The following AQP11 variants were observed in gnomAD, a reference collection of about 807,000 sequenced individuals.
The protein encoded by AQP11 is aquaporin-11.
Under a neutral mutation model 21.1 loss-of-function variants are expected in AQP11, and 20 were observed. The ratio of observed to expected loss-of-function variants is 0.95; its 90% CI spans 0.67 to 1.38. AQP11 has a LOEUF of 1.38. Ranked by LOEUF, AQP11 falls within the 40% of genes most tolerant of loss-of-function variation. The probability of loss-of-function intolerance (pLI) is 0.00; values close to 1 mark genes in which losing one functional copy is unlikely to be tolerated. For synonymous variants in AQP11, 167 were observed against 150.1 expected (o/e 1.11, Z -0.82); for missense variants, 339 against 340.4 (o/e 1.00, Z 0.03).
chr11:77,609,267 T>C, intron 2 of AQP11, 31 bp from the exon 3 acceptor site: 4 of 1,566,566 alleles, frequency 2.6e-6, no homozygotes, highest in Admixed American at 1.7e-5. Context: ...TTAAAGATTG[T>C]TTTTTTATTT....
intron 2 of AQP11, among the ~76,000 whole-genome samples, chr11:77,604,512 A>G (rs1958833070): frequency 6.6e-6 from 1 of 152,230 alleles, no homozygotes; most frequent in African/African-American, 2.4e-5. Flanking sequence ...TATAACTCAT[A>G]ACTGTAAGTG....
At chr11:77,598,327 C>T (rs1384559911) in intron 1 of AQP11, among the ~76,000 whole-genome samples, 1 of 152,206 alleles carries the variant, frequency 6.6e-6, no homozygotes, top group Admixed American at 6.5e-5. Context: ...AGATTTGAGA[C>T]TTAGCCTCTG....
rs767695226 is a variant in AQP11, at chr11:77,590,548, G to A, written c.556G>A (p.Glu186Lys). The A allele has an allele frequency of 2.5e-6, 4 of 1,614,188 alleles. 1 individual carries two copies. The South Asian group carries it at 4.4e-5, about 18-fold the overall frequency. Residue 186 changes from glutamate (E) to lysine (K), a missense_variant, in exon 1 of 3, where the codon GAA becomes AAA. Coordinates refer to ENST00000313578, the MANE Select transcript of AQP11 (RefSeq NM_173039.3). ...LFHSALLHFQ[E>K]VRTKLRIHLL... Reference sequence around the variant, plus strand: ...CCACAGCGCTCTGCTGCACTTCCAGGAAGTCCGAACCAAGCTTCGTATCCA... The same window carrying A: ...CCACAGCGCTCTGCTGCACTTCCAGAAAGTCCGAACCAAGCTTCGTATCCA...
chr11:77,591,094 G>T (rs1233970614), intron 1 of AQP11: 1 of 981,650 alleles, frequency 1.0e-6, no homozygotes, highest in Admixed American at 6.2e-5. Context: ...TCCTATAAAT[G>T]ATTTAAAGTC....
At chr11:77,599,581 G>GCC (rs776515697) in intron 1 of AQP11, among the ~76,000 whole-genome samples, 1 of 151,786 alleles carries the variant, frequency 6.6e-6, no homozygotes, top group Admixed American at 6.6e-5. Context: ...ACCATGCCCA[G>GCC]CCCCAAACTG....
At chr11:77,591,147 CTTA>C (rs1291580245) in intron 1 of AQP11, 4 of 961,316 alleles carry the variant, frequency 4.2e-6, no homozygotes, top group Non-Finnish European at 5.0e-6. Context: ...TATGAAATTT[CTTA>C]TTTCCTTAAT....
chr11:77,601,945 C>T (rs779853218), intron 1 of AQP11, among the ~76,000 whole-genome samples: 34 of 152,252 alleles, frequency 2.2e-4, no homozygotes, highest in Non-Finnish European at 4.6e-4. Flanking sequence ...CTAGAATTCA[C>T]ACAGCATCAC....
intron 2 of AQP11, among the ~76,000 whole-genome samples, chr11:77,605,068 C>G (rs1445349453): frequency 6.6e-6 from 1 of 152,106 alleles, no homozygotes; most frequent in Non-Finnish European, 1.5e-5. Flanking sequence ...TGGCGGGCAC[C>G]TGTAGTCCCA....
chr11:77,609,425 G>A lies in AQP11; in HGVS notation c.*48G>A. 6.9e-7 allele frequency: 1 copy of A among 1,457,326 alleles called. No individual in the cohort carries two copies. 90.3% of individuals were successfully genotyped at this position (1,457,326 alleles called of 1,614,324 possible). A position where few individuals can be genotyped will look rare whatever the true frequency, so the allele number is the denominator to read the frequency against. ...CATACAGGACAGTCCAGCTGGATGT[G>A]ATAAAGATTTTATCACCTCATATGG... On this transcript the variant is annotated 3_prime_UTR_variant, in exon 3 of 3. Coordinates refer to ENST00000313578, the MANE Select transcript of AQP11 (RefSeq NM_173039.3).
At chr11:77,601,815 TC>T (rs150173440) in intron 1 of AQP11, among the ~76,000 whole-genome samples, 1 of 152,316 alleles carries the variant, frequency 6.6e-6, no homozygotes, top group African/African-American at 2.4e-5. Context: ...CTAAGATGCC[TC>T]AGTTCTCTTC....
Position 77,609,595 on chromosome 11 carries a change from T to C in AQP11, c.*218T>C, listed in dbSNP as rs773239562. ...CAGTTAAGACTTGTTCTTTGAGTGA[T>C]GTATTAAATGCTGCTAGAAAAGCCT... On this transcript the variant is annotated 3_prime_UTR_variant, in exon 3 of 3. Coordinates refer to ENST00000313578, the MANE Select transcript of AQP11 (RefSeq NM_173039.3). The C allele has an allele frequency of 7.9e-6, 3 of 382,070 alleles. No homozygotes were observed. The highest frequency in any genetic ancestry group is 1.4e-5 in the Non-Finnish European group (3 of 214,256). The allele number at this position is 382,070 out of a possible 1,614,324, so 23.7% of individuals were successfully genotyped here.
At chr11:77,598,383 A>C (rs1958795624) in intron 1 of AQP11, among the ~76,000 whole-genome samples, 1 of 152,208 alleles carries the variant, frequency 6.6e-6, no homozygotes, top group African/African-American at 2.4e-5. Flanking sequence ...GACTCTTGGC[A>C]GTGGACTAGC....
At chr11:77,591,463 C>G (rs546757896) in intron 1 of AQP11, 2 of 434,256 alleles carry the variant, frequency 4.6e-6, no homozygotes, top group African/African-American at 4.3e-5. Flanking sequence ...GCAGAAATAA[C>G]AACAAAGGAA....
rs374412400 is a variant in AQP11, at chr11:77,590,355, A to G, written c.363A>G (p.Leu121=). The G allele has an allele frequency of 1.2e-5, 19 of 1,612,466 alleles. No individual in the cohort carries two copies. The highest frequency in any genetic ancestry group is 1.1e-4 in the African/African-American group (8 of 74,796). The change falls in exon 1 of 3, where the codon CTA becomes CTG. Residue 121 remains leucine (L), a synonymous_variant. Transcript: ENST00000313578. ...CCCCCGAGACGGGTGCGGTGAGGCT[A>G]TTGGCTCAGCTGGTTAGTGCCCTGT... ...GMSPETGAVR[L]LAQLVSALCS...
intron 1 of AQP11, 184 bp downstream of exon 1, chr11:77,590,795 C>T (rs1169786278): frequency 1.0e-6 from 1 of 985,334 alleles, no homozygotes; most frequent in Non-Finnish European, 1.2e-6. Context: ...AGCCTTCATG[C>T]AGTGCTGCTT....
intron 1 of AQP11, chr11:77,591,146 T>A (rs1483911544): frequency 3.5e-5 from 34 of 963,014 alleles, no homozygotes; most frequent in Non-Finnish European, 4.2e-5. Flanking sequence ...TTATGAAATT[T>A]CTTATTTCCT....
intron 1 of AQP11, among the ~76,000 whole-genome samples, chr11:77,597,487 G>A (rs1425678519): frequency 6.6e-6 from 1 of 152,136 alleles, no homozygotes; most frequent in Non-Finnish European, 1.5e-5. Context: ...CATGAGAATC[G>A]CTTGAACCCA....
intron 1 of AQP11, among the ~76,000 whole-genome samples, chr11:77,597,351 C>T (rs1293962022): frequency 5.9e-5 from 9 of 152,280 alleles, no homozygotes; most frequent in Non-Finnish European, 2.9e-5. Context: ...GTGGGCGGAT[C>T]GCTTGAGGCC....
chr11:77,604,372 T>C (rs1309702575), intron 2 of AQP11, among the ~76,000 whole-genome samples: 1 of 152,222 alleles, frequency 6.6e-6, no homozygotes, highest in African/African-American at 2.4e-5. Flanking sequence ...ATAAACTCTT[T>C]ATAAAGATGG....
Sources: gnomAD v4.1 joint callset for allele counts (sites outside exome capture counted in the v4.1 genomes callset) on GRCh38, gnomAD v4.1.1 for gene constraint, MANE v1.5 for transcripts, NCBI Gene and HGNC (gene_info 2026-07-23, HGNC 2026-07-21) for gene names.